AQR: variants seen among roughly 807,000 people sequenced by gnomAD.
AQR encodes the protein RNA helicase aquarius.
In AQR, 61 loss-of-function variants were observed where a neutral mutation model predicts 180.5. The observed-to-expected ratio is 0.34, with a 90% CI of 0.28 to 0.42. The LOEUF is 0.42. Ranked by LOEUF, AQR falls within the 10% of genes least tolerant of loss-of-function variation. The pLI is 1.00. For missense variants in AQR, 1,281 were observed against 1,798.3 expected (o/e 0.71, Z 5.20); for synonymous variants, 551 against 588.8 (o/e 0.94, Z 0.93).
At chr15:34,906,393 T>C (rs1252541803) in intron 18 of AQR, 152 bp downstream of exon 18, 6 of 842,084 alleles carry the variant, frequency 7.1e-6, no homozygotes, top group Admixed American at 5.8e-5. Flanking sequence ...AACTGCACGG[T>C]AGGTACCCTA....
chr15:34,943,394 C>A, intron 6 of AQR: 2 of 1,252,784 alleles, frequency 1.6e-6, no homozygotes, highest in South Asian at 1.2e-5. Flanking sequence ...TGATTCAGTT[C>A]TAAGTGTCAT....
At chr15:34,969,359 G>A (rs754345659) in intron 1 of AQR, among the ~76,000 whole-genome samples, 180 bp downstream of exon 1, 4 of 152,122 alleles carry the variant, frequency 2.6e-5, no homozygotes, top group Non-Finnish European at 5.9e-5. Context: ...ACCACGGTAT[G>A]CCCAGCACCT....
intron 3 of AQR, among the ~76,000 whole-genome samples, chr15:34,959,999 C>T (rs2050265271): frequency 6.6e-6 from 1 of 152,120 alleles, no homozygotes; most frequent in African/African-American, 2.4e-5. Flanking sequence ...AACAAACAAA[C>T]CCAAATTCTC....
chr15:34,891,215 C>T (rs998407651), intron 23 of AQR, among the ~76,000 whole-genome samples: 6 of 152,118 alleles, frequency 3.9e-5, no homozygotes, highest in Non-Finnish European at 8.8e-5. Context: ...ACTCTTGATA[C>T]TCATCATCCA....
intron 4 of AQR, among the ~76,000 whole-genome samples, chr15:34,951,322 CATAAAATTAA>C (rs1169971358): frequency 6.6e-6 from 1 of 152,146 alleles, no homozygotes; most frequent in African/African-American, 2.4e-5. Context: ...GATATTGTCA[CATAAAATTAA>C]ATAAGAGTTC....
chr15:34,951,207 T>C (rs916334468), intron 4 of AQR, among the ~76,000 whole-genome samples: 2 of 152,234 alleles, frequency 1.3e-5, no homozygotes, highest in Non-Finnish European at 2.9e-5. Flanking sequence ...TATATCCAGC[T>C]ACCTTCTCCA....
chr15:34,910,325 G>T lies in AQR; in HGVS notation c.1485-12C>A, dbSNP rs1251907956. 9 of 1,607,792 alleles carry T rather than the reference G, an allele frequency of 5.6e-6. No individual in the cohort carries two copies. In the African/African-American group the frequency reaches 1.2e-4, roughly 22 times the overall value. On this transcript the variant is annotated splice_polypyrimidine_tract_variant and intron_variant, in intron 16 of 34. Transcript: ENST00000156471. Reference sequence around the variant, plus strand: ...CATATTCAGATTGCCTGAAACCAAAGAAATGGATGATTACTCAAACAAAAA... The same window carrying T: ...CATATTCAGATTGCCTGAAACCAAATAAATGGATGATTACTCAAACAAAAA...
intron 3 of AQR, among the ~76,000 whole-genome samples, chr15:34,958,409 G>A (rs1156450170): frequency 2.0e-5 from 3 of 152,180 alleles, no homozygotes; most frequent in South Asian, 4.2e-4. Context: ...CCAGCTACTC[G>A]GGAGGCTAAG....
intron 5 of AQR, among the ~76,000 whole-genome samples, chr15:34,945,053 A>T (rs1050340392): frequency 6.6e-6 from 1 of 152,180 alleles, no homozygotes; most frequent in Non-Finnish European, 1.5e-5. Context: ...TTTTCACCAT[A>T]TTGAAGGCTC....
At chr15:34,863,582 G>C (rs1392184133) in intron 32 of AQR, among the ~76,000 whole-genome samples, 1 of 152,136 alleles carries the variant, frequency 6.6e-6, no homozygotes, top group Non-Finnish European at 1.5e-5. Flanking sequence ...ATAAGGGACA[G>C]TCAGCCTATA....
intron 4 of AQR, among the ~76,000 whole-genome samples, chr15:34,949,818 T>C (rs1229853697): frequency 1.4e-5 from 2 of 140,688 alleles, no homozygotes; most frequent in East Asian, 4.5e-4. Context: ...AAAAAACCAC[T>C]AGCCAGGTGT....
In AQR at chr15:34,853,934, A is replaced by G. The variant is rs1892550144; in HGVS notation, c.*2858T>C. The G allele has an allele frequency of 6.6e-6, 1 of 152,196 alleles. No homozygotes were observed. The highest frequency in any genetic ancestry group is 1.5e-5 in the Non-Finnish European group (1 of 68,044). 9.4% of individuals were successfully genotyped at this position (152,196 alleles called of 1,614,324 possible). A position where few individuals can be genotyped will look rare whatever the true frequency, so the allele number is the denominator to read the frequency against. ...CGATGAGTCCAAAGTGTGTTTTATA[A>G]TATCTTGCTGTCTCTTGATCATTAC... On this transcript the variant is annotated 3_prime_UTR_variant, in exon 35 of 35. Transcript: ENST00000156471.
chr15:34,887,543 G>T (rs145370552), intron 24 of AQR, among the ~76,000 whole-genome samples: 171 of 152,310 alleles, frequency 1.1e-3, no homozygotes, highest in Middle Eastern at 3.4e-3. Context: ...AGTTTGGAGA[G>T]TACCTTGTCC....
rs149155797 is a variant in AQR, at chr15:34,954,022, C to A, written c.174-1102G>T. On this transcript the variant is annotated intron_variant, in intron 3 of 34. Coordinates refer to ENST00000156471, the MANE Select transcript of AQR (RefSeq NM_014691.3). ...CTCCGCCTCCCAGGCTCAAGCAATT[C>A]TTGTGCCTCAGACTCTTGAGTAGCT... is the stretch of plus-strand genomic sequence containing the variant. Among the ~76,000 whole-genome samples the A allele has an allele frequency of 3.0e-3, 454 of 152,310 alleles. 2 individuals carry two copies. The highest frequency in any genetic ancestry group is 5.2e-3 in the Non-Finnish European group (356 of 68,028).
chr15:34,874,436 AAAG>A (rs1892864109), intron 29 of AQR: 1 of 471,348 alleles, frequency 2.1e-6, no homozygotes, highest in African/African-American at 2.0e-5. Context: ...GGGACAATGA[AAAG>A]AAGCCTTTAG....
chr15:34,960,386 TTTA>T (rs1472282013), intron 3 of AQR, among the ~76,000 whole-genome samples: 1 of 152,238 alleles, frequency 6.6e-6, no homozygotes, highest in Non-Finnish European at 1.5e-5. Context: ...CACTTCTGTG[TTTA>T]TTATTATACA....
chr15:34,878,287 G>A (rs1223472140), intron 27 of AQR, among the ~76,000 whole-genome samples: 1 of 150,390 alleles, frequency 6.6e-6, no homozygotes, highest in Non-Finnish European at 1.5e-5. Flanking sequence ...TCGGGAGGCT[G>A]AGGCACTAGA....
chr15:34,874,065 A>G (rs534562036), intron 29 of AQR, 66 bp from the exon 30 acceptor site: 1 of 1,373,776 alleles, frequency 7.3e-7, no homozygotes, highest in Admixed American at 2.7e-5. Context: ...TTTAATATAC[A>G]TAAGGAGGTT....
At position 34,900,775 on chromosome 15, in the gene AQR, G is replaced by A. The variant is rs761638000; in HGVS notation, c.2090C>T (p.Pro697Leu). 1 of 1,614,088 alleles carries A rather than the reference G, an allele frequency of 6.2e-7. No homozygotes were observed. The highest frequency in any genetic ancestry group is 2.2e-5 in the East Asian group (1 of 44,882). ...LHDIILGYGDPSSAHYSKMPN... is the reference protein window; with the variant it reads ...LHDIILGYGDLSSAHYSKMPN... ...CATTTTCGAATAATGTGCACTACTT[G>A]GGTCCCCATAACCTAAAATGATATC... is the stretch of plus-strand genomic sequence containing the variant. The change falls in exon 20 of 35, where the codon CCA (proline) becomes CTA (leucine). Residue 697 changes from proline to leucine, a missense_variant. Around this residue, in one of 9 missense-constraint regions of AQR, gnomAD observed 28 missense variants for 75.3 expected, o/e 0.37. Transcript: ENST00000156471.
Sources: allele counts gnomAD v4.1 joint callset (sites outside exome capture counted in the v4.1 genomes callset), GRCh38; gene constraint gnomAD v4.1.1; regional missense constraint gnomAD v4.1.1; transcripts MANE v1.5; gene names NCBI Gene and HGNC (gene_info 2026-07-23, HGNC 2026-07-21).